The following FAM227B variants were observed in gnomAD, a reference collection of about 807,000 sequenced individuals.
FAM227B encodes the protein family with sequence similarity 227 member B, also known as protein FAM227B.
Under a neutral mutation model 73.8 loss-of-function variants are expected in FAM227B, and 88 were observed. That is an observed-to-expected ratio of 1.19 (90% CI 1.00 to 1.42). The LOEUF is 1.42. Ranked by LOEUF, FAM227B falls within the 40% of genes most tolerant of loss-of-function variation. FAM227B has a pLI of 0.00. For synonymous variants in FAM227B, 210 were observed against 190.5 expected (o/e 1.10, Z -0.84); for missense variants, 632 against 590.9 (o/e 1.07, Z -0.72).
intron 10 of FAM227B, among the ~76,000 whole-genome samples, chr15:49,519,443 C>T (rs528396776): frequency 1.3e-5 from 2 of 152,326 alleles, no homozygotes; most frequent in South Asian, 2.1e-4. Context: ...GGGTTCCACC[C>T]CTGCAGCACA....
Position 49,578,235 on chromosome 15 carries a change from A to G in FAM227B, c.406-571T>C, listed in dbSNP as rs185872163. On this transcript the variant is annotated intron_variant, in intron 5 of 15. Transcript: ENST00000299338. ...GGTTCCTGGAAAGATGTTTTCTCAGAAGAGGAAGTTCTCTGGAGGTAAGTA... is the reference window on the plus strand; with the variant it reads ...GGTTCCTGGAAAGATGTTTTCTCAGGAGAGGAAGTTCTCTGGAGGTAAGTA... Among the ~76,000 whole-genome samples the G allele has an allele frequency of 9.9e-3, 1,507 of 152,302 alleles. 15 individuals are homozygous for G. Among genetic ancestry groups the G allele is most frequent in the Middle Eastern group, 0.037 (11 of 294 alleles).
chr15:49,591,130 C>T (rs143147965), intron 3 of FAM227B, among the ~76,000 whole-genome samples: 2,427 of 147,456 alleles, frequency 0.016, 32 homozygotes, highest in Middle Eastern at 0.032. Context: ...CTGCAAGCTC[C>T]GCCTCCTGGG....
At chr15:49,360,116 C>T (rs2043938921) in intron 13 of FAM227B, among the ~76,000 whole-genome samples, 1 of 149,992 alleles carries the variant, frequency 6.7e-6, no homozygotes, top group African/African-American at 2.5e-5. Flanking sequence ...GGAGGGATAG[C>T]ATCAGGAGAT....
At chr15:49,504,733 C>T (rs1450252857) in intron 11 of FAM227B, among the ~76,000 whole-genome samples, 1 of 152,132 alleles carries the variant, frequency 6.6e-6, no homozygotes, top group South Asian at 2.1e-4. Context: ...TTCCTAGAAG[C>T]TGAGCAGATA....
At chr15:49,344,406 T>G (rs1029916183) in intron 13 of FAM227B, among the ~76,000 whole-genome samples, 9 of 152,224 alleles carry the variant, frequency 5.9e-5, no homozygotes, top group South Asian at 2.1e-4. Flanking sequence ...TTACACTGAA[T>G]GTACATACCT....
chr15:49,595,249 T>C (rs981315081), intron 3 of FAM227B, among the ~76,000 whole-genome samples: 1 of 152,006 alleles, frequency 6.6e-6, no homozygotes, highest in Non-Finnish European at 1.5e-5. Context: ...CTCAGCTTGG[T>C]TGTTATTTGT....
chr15:49,576,699 C>A, intron 7 of FAM227B, 42 bp downstream of exon 7: 1 of 1,113,704 alleles, frequency 9.0e-7, no homozygotes. Flanking sequence ...TTAAATCATA[C>A]TGTCAAAATG....
chr15:49,462,305 T>G (rs967545636), intron 11 of FAM227B, among the ~76,000 whole-genome samples: 3 of 152,202 alleles, frequency 2.0e-5, no homozygotes, highest in African/African-American at 7.2e-5. Context: ...AAATAATTTC[T>G]AAACATGTAT....
At chr15:49,505,668 G>A (rs181433051) in intron 11 of FAM227B, among the ~76,000 whole-genome samples, 5 of 152,076 alleles carry the variant, frequency 3.3e-5, no homozygotes, top group Admixed American at 6.5e-5. Flanking sequence ...TAGGTAAATA[G>A]CCAATAGAGG....
intron 14 of FAM227B, among the ~76,000 whole-genome samples, chr15:49,333,397 A>G (rs1329996474): frequency 2.0e-5 from 3 of 152,196 alleles, no homozygotes; most frequent in Admixed American, 1.3e-4. Flanking sequence ...GTGCCATTGC[A>G]TTAATCATAT....
At chr15:49,356,019 A>C (rs1596466503) in intron 13 of FAM227B, among the ~76,000 whole-genome samples, 1 of 152,052 alleles carries the variant, frequency 6.6e-6, no homozygotes, top group South Asian at 2.1e-4. Context: ...GAAATAAAAT[A>C]CTTTACAGAC....
At chr15:49,368,944 T>G (rs1333800624) in intron 12 of FAM227B, among the ~76,000 whole-genome samples, 3 of 151,932 alleles carry the variant, frequency 2.0e-5, no homozygotes, top group Admixed American at 2.0e-4. Context: ...TCCCGTGGTG[T>G]TGTTTTTGTT....
chr15:49,391,765 T>C (rs1171200160), intron 11 of FAM227B, among the ~76,000 whole-genome samples: 3 of 152,268 alleles, frequency 2.0e-5, no homozygotes, highest in Non-Finnish European at 2.9e-5. Flanking sequence ...AATGTATTAA[T>C]ATAACCTCCA....
chr15:49,591,881 C>T (rs2076601877), intron 3 of FAM227B, among the ~76,000 whole-genome samples: 1 of 152,170 alleles, frequency 6.6e-6, no homozygotes, highest in Non-Finnish European at 1.5e-5. Context: ...TACAGCCACA[C>T]ACACACACCA....
intron 10 of FAM227B, among the ~76,000 whole-genome samples, chr15:49,521,082 G>T (rs965001467): frequency 6.6e-6 from 1 of 152,150 alleles, no homozygotes; most frequent in African/African-American, 2.4e-5. Flanking sequence ...GTGTGTTCAC[G>T]CTCCCCTCAA....
In FAM227B at chr15:49,366,006, AAATATTACAACTGTAAGAGGACT is replaced by A. The variant is rs1423914441; in HGVS notation, c.1271+1419_1271+1441del. The A allele has an allele frequency of 7.0e-5, 56 of 804,372 alleles. 1 individual carries two copies. The Middle Eastern group carries it at 1.4e-3, about 20-fold the overall frequency. The allele number at this position is 804,372 out of a possible 1,614,324, so 49.8% of individuals were successfully genotyped here. A position where few individuals can be genotyped will look rare whatever the true frequency, so the allele number is the denominator to read the frequency against. On this transcript the variant is annotated intron_variant, in intron 13 of 15. Transcript: ENST00000299338. ...CCATCATAACACAGTAGATGACTAC[AAATATTACAACTGTAAGAGGACT>A]AAAAGTTAGATATTCTTCCTTTTTT...
intron 13 of FAM227B, among the ~76,000 whole-genome samples, chr15:49,359,547 T>G (rs1476242364): frequency 1.7e-5 from 2 of 116,962 alleles, no homozygotes; most frequent in Non-Finnish European, 3.7e-5. Flanking sequence ...AGATACCATC[T>G]CACACCAGTT....
At position 49,462,373 on chromosome 15, in the gene FAM227B, A is replaced by T. The variant is rs1004306223; in HGVS notation, c.1012+45838T>A. Reference sequence around the variant, plus strand: ...ATTTACTAAATTTAGAAATTTTCGGATGATATTTCTTAATCACAATGCTTT... The same window carrying T: ...ATTTACTAAATTTAGAAATTTTCGGTTGATATTTCTTAATCACAATGCTTT... On this transcript the variant is annotated intron_variant, in intron 11 of 15. Coordinates refer to ENST00000299338, the MANE Select transcript of FAM227B (RefSeq NM_152647.3). Among the ~76,000 whole-genome samples the T allele has an allele frequency of 3.3e-5, 5 of 152,152 alleles. No homozygotes were observed. The South Asian group carries it at 1.0e-3, about 32-fold the overall frequency.
In FAM227B at chr15:49,359,804, T is replaced by G. The variant is rs970316826; in HGVS notation, c.1271+7644A>C. ...CACATGCACATGTATGTTTATTGCG[T>G]CATTATTCACAATAGCAAAGACTTG... On this transcript the variant is annotated intron_variant, in intron 13 of 15. Coordinates refer to ENST00000299338, the MANE Select transcript of FAM227B (RefSeq NM_152647.3). 5.0e-3 allele frequency among the ~76,000 whole-genome samples: 685 copies of G among 137,714 alleles called. 18 individuals carry two copies. Among genetic ancestry groups the G allele is most frequent in the African/African-American group, 0.017 (614 of 36,422 alleles). The allele number at this position is 137,714 out of a possible 152,430, so 90.3% of individuals were successfully genotyped here. A position where few individuals can be genotyped will look rare whatever the true frequency, so the allele number is the denominator to read the frequency against.
Sources: allele counts gnomAD v4.1 joint callset (sites outside exome capture counted in the v4.1 genomes callset), GRCh38; gene constraint gnomAD v4.1.1; transcripts MANE v1.5; gene names NCBI Gene and HGNC (gene_info 2026-07-23, HGNC 2026-07-21).